GFRA2: variants seen among roughly 807,000 people sequenced by gnomAD.
The protein encoded by GFRA2 is GDNF family receptor alpha 2.
In GFRA2, 17 loss-of-function variants were observed where a neutral mutation model predicts 48.3. The observed-to-expected ratio is 0.35, with a 90% CI of 0.24 to 0.53. The LOEUF (loss-of-function observed/expected upper bound fraction) is 0.53. GFRA2 is among the 20% of genes least tolerant of loss of function. The probability of loss-of-function intolerance (pLI) is 0.93; values close to 1 mark genes in which losing one functional copy is unlikely to be tolerated. For synonymous variants in GFRA2, 305 were observed against 257.2 expected (o/e 1.19, Z -1.78); for missense variants, 660 against 637.3 (o/e 1.04, Z -0.38).
intron 4 of GFRA2, among the ~76,000 whole-genome samples, chr8:21,735,584 T>G (rs1216281804): frequency 2.0e-5 from 3 of 152,166 alleles, no homozygotes; most frequent in African/African-American, 4.8e-5. Context: ...GACCCCCAAC[T>G]GGGCCAACCT....
intron 2 of GFRA2, among the ~76,000 whole-genome samples, chr8:21,778,406 A>T (rs1806814327): frequency 6.6e-6 from 1 of 152,130 alleles, no homozygotes; most frequent in Non-Finnish European, 1.5e-5. Context: ...TACAGAGAAA[A>T]GATGCAGTCT....
chr8:21,749,938 A>G (rs1371838028), intron 4 of GFRA2, among the ~76,000 whole-genome samples: 1 of 152,156 alleles, frequency 6.6e-6, no homozygotes, highest in Non-Finnish European at 1.5e-5. Context: ...CTTAGCGCAG[A>G]GCCTAGAACA....
chr8:21,716,125 C>T (rs1448212965), intron 4 of GFRA2, among the ~76,000 whole-genome samples: 1 of 152,082 alleles, frequency 6.6e-6, no homozygotes, highest in East Asian at 1.9e-4. Flanking sequence ...GAGTTCAAGA[C>T]CAGCCTGGCC....
chr8:21,755,398 T>C (rs550202708), intron 3 of GFRA2, among the ~76,000 whole-genome samples: 3 of 152,278 alleles, frequency 2.0e-5, no homozygotes, highest in East Asian at 1.9e-4. Flanking sequence ...ATAAGCCTTT[T>C]ACTACAAAAA....
chr8:21,715,043 G>C (rs1161810362), intron 4 of GFRA2, among the ~76,000 whole-genome samples: 2 of 152,192 alleles, frequency 1.3e-5, no homozygotes, highest in East Asian at 3.9e-4. Context: ...ATGTGACACT[G>C]AGAAAAGGGA....
At chr8:21,749,628 A>G (rs1805179250) in intron 4 of GFRA2, among the ~76,000 whole-genome samples, 1 of 152,130 alleles carries the variant, frequency 6.6e-6, no homozygotes, top group Non-Finnish European at 1.5e-5. Flanking sequence ...ACGTTGGGAT[A>G]TTAGGCAGAA....
At chr8:21,789,563 TC>T (rs1807476333), upstream of GFRA2, among the ~76,000 whole-genome samples, 2 of 151,972 alleles carry the variant, frequency 1.3e-5, no homozygotes, top group African/African-American at 2.4e-5. Flanking sequence ...ACAAAGCGTC[TC>T]CCCGATGGTG....
intron 4 of GFRA2, among the ~76,000 whole-genome samples, chr8:21,711,011 G>A (rs1330069208): frequency 6.6e-6 from 1 of 152,170 alleles, no homozygotes. Context: ...GAGACCACGT[G>A]GTATAATTTC....
At chr8:21,762,839 T>A (rs1050887642) in intron 3 of GFRA2, among the ~76,000 whole-genome samples, 2 of 152,156 alleles carry the variant, frequency 1.3e-5, no homozygotes, top group African/African-American at 4.8e-5. Context: ...ATATTTAGGG[T>A]TTTTACCATT....
At chr8:21,782,526 C>T in intron 2 of GFRA2, 59 bp downstream of exon 2, 1 of 1,326,934 alleles carries the variant, frequency 7.5e-7, no homozygotes, top group South Asian at 1.4e-5. Context: ...TGGCCCGCCA[C>T]ACGTCCTCTC....
At chr8:21,710,761 T>G (rs1322866856) in intron 4 of GFRA2, among the ~76,000 whole-genome samples, 1 of 152,224 alleles carries the variant, frequency 6.6e-6, no homozygotes, top group East Asian at 1.9e-4. Flanking sequence ...AACACAGGCC[T>G]GAGCCCGGCA....
intron 7 of GFRA2, among the ~76,000 whole-genome samples, chr8:21,698,167 G>C (rs920609544): frequency 6.6e-6 from 1 of 152,182 alleles, no homozygotes; most frequent in Admixed American, 6.5e-5. Context: ...ACAGGCCTAG[G>C]CTGCAAGGAT....
chr8:21,785,172 G>A (rs1464687597), intron 1 of GFRA2, among the ~76,000 whole-genome samples: 1 of 152,194 alleles, frequency 6.6e-6, no homozygotes, highest in African/African-American at 2.4e-5. Context: ...ATTAGCCCAG[G>A]GGATTCAGGG....
chr8:21,704,650 C>T (rs1038766294), intron 6 of GFRA2, among the ~76,000 whole-genome samples: 1 of 152,092 alleles, frequency 6.6e-6, no homozygotes, highest in Non-Finnish European at 1.5e-5. Flanking sequence ...GAAATAAACT[C>T]GTTAAAGGGA....
rs563605555 is a variant in GFRA2, at chr8:21,762,611, C to T, written c.440-11669G>A. 1.1e-4 allele frequency among the ~76,000 whole-genome samples: 17 copies of T among 152,282 alleles called. No individual in the cohort carries two copies. In the East Asian group the frequency reaches 2.9e-3, roughly 26 times the overall value. ...ACTGAACATCAATTTGAAATAAAAT[C>T]AATTTGGAACCTTTCAAATTGCATT... On this transcript the variant is annotated intron_variant, in intron 3 of 8. Coordinates refer to ENST00000524240, the MANE Select transcript of GFRA2 (RefSeq NM_001495.5).
At chr8:21,699,780 G>T (rs1802380719) in intron 7 of GFRA2, among the ~76,000 whole-genome samples, 1 of 152,214 alleles carries the variant, frequency 6.6e-6, no homozygotes. Context: ...CATCCTCTAG[G>T]ACAGCAGGGA....
intron 3 of GFRA2, among the ~76,000 whole-genome samples, chr8:21,764,673 C>T (rs1344075285): frequency 2.6e-5 from 4 of 152,222 alleles, no homozygotes; most frequent in African/African-American, 4.8e-5. Context: ...CATCCCTCCT[C>T]ACTTATTGAA....
chr8:21,694,677 G>A (rs28564089), intron 7 of GFRA2, among the ~76,000 whole-genome samples, 160 bp from the exon 8 acceptor site: 1 of 152,084 alleles, frequency 6.6e-6, no homozygotes, highest in Non-Finnish European at 1.5e-5. Context: ...CAGCACAAAA[G>A]GCTTCTGCCC....
intron 3 of GFRA2, among the ~76,000 whole-genome samples, chr8:21,760,641 G>C (rs773796736): frequency 6.6e-6 from 1 of 152,198 alleles, no homozygotes; most frequent in Admixed American, 6.5e-5. Context: ...ATAGGCAGAA[G>C]GGTCCACAAG....
Sources: allele counts gnomAD v4.1 joint callset (sites outside exome capture counted in the v4.1 genomes callset), GRCh38; gene constraint gnomAD v4.1.1; transcripts MANE v1.5; gene names NCBI Gene and HGNC (gene_info 2026-07-23, HGNC 2026-07-21).